SLIT3: variants seen among roughly 807,000 people sequenced by gnomAD.
The protein encoded by SLIT3 is slit guidance ligand 3, also known as slit homolog 3 protein.
A neutral mutation model predicts 184.0 loss-of-function variants in SLIT3; 68 were observed. That is an observed-to-expected ratio of 0.37 (90% CI 0.30 to 0.45). The LOEUF (loss-of-function observed/expected upper bound fraction) is 0.45. Among genes scored for constraint, SLIT3 ranks in the 20% least tolerant of loss-of-function variants. The pLI is 1.00. For missense variants in SLIT3, 1,707 were observed against 2,026.0 expected (o/e 0.84, Z 3.02); for synonymous variants, 831 against 828.6 (o/e 1.00, Z -0.05).
chr5:169,297,348 C>T (rs1027045997), intron 1 of SLIT3, among the ~76,000 whole-genome samples: 3 of 152,142 alleles, frequency 2.0e-5, no homozygotes, highest in East Asian at 1.9e-4. Context: ...TAATTATGAA[C>T]AATTGAGGCC....
chr5:169,044,685 T>TA (rs1387045471), intron 4 of SLIT3, among the ~76,000 whole-genome samples: 1 of 152,122 alleles, frequency 6.6e-6, no homozygotes, highest in Non-Finnish European at 1.5e-5. Flanking sequence ...TCACACAACA[T>TA]AGTGCATAGA....
chr5:169,195,355 T>C (rs1391495336), intron 3 of SLIT3, among the ~76,000 whole-genome samples: 1 of 152,130 alleles, frequency 6.6e-6, no homozygotes, highest in East Asian at 1.9e-4. Flanking sequence ...ACTTCACATA[T>C]AATAAGCCCA....
intron 4 of SLIT3, among the ~76,000 whole-genome samples, chr5:168,950,138 G>A (rs1762605346): frequency 6.6e-6 from 1 of 151,414 alleles, no homozygotes; most frequent in African/African-American, 2.4e-5. Context: ...AGGTGATTAG[G>A]TCATGAGGGA....
intron 10 of SLIT3, chr5:168,790,949 A>G (rs972384373): frequency 1.3e-5 from 2 of 152,254 alleles, no homozygotes; most frequent in African/African-American, 4.8e-5. Context: ...TTCACAGGTT[A>G]AGGCTCTTCG....
At chr5:168,998,730 A>AAACAGAACAAAACAG (rs1325883326) in intron 4 of SLIT3, among the ~76,000 whole-genome samples, 2 of 152,054 alleles carry the variant, frequency 1.3e-5, no homozygotes, top group African/African-American at 4.8e-5. Flanking sequence ...AAACAAAACA[A>AAACAGAACAAAACAG]AACAAAACAA....
At chr5:169,113,128 C>T (rs1022779030) in intron 4 of SLIT3, among the ~76,000 whole-genome samples, 7 of 152,096 alleles carry the variant, frequency 4.6e-5, no homozygotes, top group South Asian at 2.1e-4. Flanking sequence ...TAAGTACATT[C>T]GCCTTGTTGT....
At chr5:169,253,587 G>C (rs1419327021) in intron 1 of SLIT3, among the ~76,000 whole-genome samples, 1 of 152,114 alleles carries the variant, frequency 6.6e-6, no homozygotes, top group African/African-American at 2.4e-5. Flanking sequence ...TTGACCTCAG[G>C]AGCTTTGATG....
chr5:169,003,441 C>T (rs899857597), intron 4 of SLIT3, among the ~76,000 whole-genome samples: 14 of 152,190 alleles, frequency 9.2e-5, no homozygotes, highest in Non-Finnish European at 2.1e-4. Context: ...TTGCTAACGT[C>T]TCCTCCGATA....
intron 20 of SLIT3, among the ~76,000 whole-genome samples, chr5:168,734,085 A>G (rs1389431260): frequency 6.6e-6 from 1 of 152,242 alleles, no homozygotes; most frequent in Non-Finnish European, 1.5e-5. Context: ...CACAATGTTC[A>G]GTATTTGGGT....
At chr5:168,755,126 C>T (rs977147174) in intron 16 of SLIT3, among the ~76,000 whole-genome samples, 4 of 152,164 alleles carry the variant, frequency 2.6e-5, no homozygotes, top group Admixed American at 6.5e-5. Context: ...GGCTGTCGGA[C>T]TCATTTATTA....
At chr5:168,755,703 C>A (rs542369233) in intron 16 of SLIT3, among the ~76,000 whole-genome samples, 1 of 152,072 alleles carries the variant, frequency 6.6e-6, no homozygotes, top group Non-Finnish European at 1.5e-5. Context: ...CCCAAAGTGC[C>A]GGGATTACAG....
intron 3 of SLIT3, among the ~76,000 whole-genome samples, chr5:169,202,105 C>T (rs1763920855): frequency 1.3e-5 from 2 of 152,124 alleles, no homozygotes; most frequent in African/African-American, 4.8e-5. Flanking sequence ...TGGTGCCACA[C>T]ACCTATAGTC....
chr5:168,695,363 A>C (rs1351638162), intron 28 of SLIT3, among the ~76,000 whole-genome samples: 1 of 152,230 alleles, frequency 6.6e-6, no homozygotes, highest in Non-Finnish European at 1.5e-5. Context: ...AGATCAGATA[A>C]GTTTGGGAAC....
intron 5 of SLIT3, among the ~76,000 whole-genome samples, chr5:168,866,915 C>G (rs1431566221): frequency 2.0e-5 from 3 of 152,276 alleles, no homozygotes; most frequent in African/African-American, 7.2e-5. Flanking sequence ...TATGAAGAAA[C>G]CAAGCTTAGT....
At chr5:168,819,833 T>C (rs1757464531) in intron 7 of SLIT3, among the ~76,000 whole-genome samples, 1 of 152,170 alleles carries the variant, frequency 6.6e-6, no homozygotes, top group South Asian at 2.1e-4. Flanking sequence ...TATCCCTTTG[T>C]CCGTCTTAAT....
chr5:169,263,176 T>G (rs557947927), intron 1 of SLIT3, among the ~76,000 whole-genome samples: 1 of 152,160 alleles, frequency 6.6e-6, no homozygotes, highest in East Asian at 1.9e-4. Flanking sequence ...AAGACCCTAT[T>G]TCTACAAAAG....
intron 4 of SLIT3, among the ~76,000 whole-genome samples, chr5:169,149,528 A>G (rs1762044464): frequency 6.6e-6 from 1 of 152,150 alleles, no homozygotes; most frequent in South Asian, 2.1e-4. Context: ...TCTAGTGGCT[A>G]TCAGCACAAG....
At chr5:168,759,005 GGCTGTGTATAT>G (rs1190942648) in intron 16 of SLIT3, among the ~76,000 whole-genome samples, 1 of 152,156 alleles carries the variant, frequency 6.6e-6, no homozygotes, top group Non-Finnish European at 1.5e-5. Context: ...GCTACCTTCA[GGCTGTGTATAT>G]GGTGTACATG....
At chr5:168,867,424 A>G (rs1378759980) in intron 5 of SLIT3, among the ~76,000 whole-genome samples, 2 of 152,226 alleles carry the variant, frequency 1.3e-5, no homozygotes, top group African/African-American at 4.8e-5. Context: ...TGTCTAAATA[A>G]ACAATGATGA....
Sources: gnomAD v4.1 joint callset for allele counts (sites outside exome capture counted in the v4.1 genomes callset) on GRCh38, gnomAD v4.1.1 for gene constraint, MANE v1.5 for transcripts, NCBI Gene and HGNC (gene_info 2026-07-23, HGNC 2026-07-21) for gene names.